Variants in FBXO45 observed in about 807,000 individuals in gnomAD.
FBXO45 encodes F-box protein 45, also known as F-box/SPRY domain-containing protein 1.
FBXO45 carries 3 observed loss-of-function variants against 25.5 expected under a neutral mutation model. That is an observed-to-expected ratio of 0.12 (90% CI 0.05 to 0.30). FBXO45 has a LOEUF of 0.30. Among genes scored for constraint, FBXO45 ranks in the 10% least tolerant of loss-of-function variants. FBXO45 has a pLI of 1.00. For missense variants in FBXO45, 219 were observed against 365.0 expected, an observed-to-expected ratio of 0.60 and a Z score of 3.26; for synonymous variants, 155 against 149.8, an observed-to-expected ratio of 1.03 and a Z score of -0.25.
rs1421644418 is a variant in FBXO45 at position 196,588,930 on chromosome 3, C to T, written c.*4612C>T. 1.3e-5 allele frequency: 2 copies of T among 152,068 alleles called. No homozygotes were observed. The highest frequency in any genetic ancestry group is 4.8e-5 in the African/African-American group (2 of 41,406). The allele number at this position is 152,068 out of a possible 1,614,324, so 9.4% of individuals were successfully genotyped here. ...TTACTGTGAATGCATTTAGCCACTC[C>T]CCTCTACTCAAAAATACTGGTAAAC... On this transcript the variant is annotated 3_prime_UTR_variant, in exon 3 of 3. Coordinates refer to ENST00000311630, the MANE Select transcript of FBXO45 (RefSeq NM_001105573.2). The surrounding 1 kb of genome is among the most constrained non-coding windows in gnomAD (Gnocchi z 4.2).
intron 2 of FBXO45, among the ~76,000 whole-genome samples, chr3:196,579,315 A>C (rs1735970946): frequency 6.6e-6 from 1 of 152,232 alleles, no homozygotes; most frequent in South Asian, 2.1e-4. Flanking sequence ...CAGAAGAACC[A>C]AAAATACATC....
At position 196,577,664 on chromosome 3, in the gene FBXO45, G is replaced by A. The variant is rs771287397; in HGVS notation, c.530G>A (p.Arg177Gln). ...TVAVIGIATK[R>Q]APMQCQGYVA... ...GCAGTGATTGGAATTGCCACAAAAC[G>A]GGCCCCCATGCAGTGCCAAGGTTAT... The change falls in exon 2 of 3, where the codon CGG becomes CAG. Residue 177 changes from arginine to glutamine, a missense_variant. By Grantham distance (43) the Arg-to-Gln change is conservative. Transcript: ENST00000311630. 30 of 1,613,544 alleles carry A rather than the reference G, an allele frequency of 1.9e-5. No homozygotes were observed. The highest frequency in any genetic ancestry group is 2.4e-5 in the Non-Finnish European group (28 of 1,179,742).
chr3:196,581,472 G>T (rs977118598), intron 2 of FBXO45, among the ~76,000 whole-genome samples: 2 of 151,700 alleles, frequency 1.3e-5, no homozygotes, highest in Non-Finnish European at 2.9e-5. Flanking sequence ...CTCGTGATCC[G>T]CCCGCCTCGG....
In FBXO45 at chr3:196,568,885, G is replaced by A; in HGVS notation, c.-100G>A. The A allele has an allele frequency of 2.2e-6, 2 of 904,136 alleles. No homozygotes were observed. Among genetic ancestry groups the A allele is most frequent in the Non-Finnish European group, 2.6e-6 (2 of 755,454 alleles). The allele number at this position is 904,136 out of a possible 1,614,324, so 56.0% of individuals were successfully genotyped here. A position where few individuals can be genotyped will look rare whatever the true frequency, so the allele number is the denominator to read the frequency against. On this transcript the variant is annotated 5_prime_UTR_variant, in exon 1 of 3. Coordinates refer to ENST00000311630, the MANE Select transcript of FBXO45 (RefSeq NM_001105573.2). ...GGCGGTTGGCACTGACAGGGGCGGT[G>A]AGCGAGCCGCTCCGGTCTCCGGGCG...
At chr3:196,575,178 G>A (rs1468637405) in intron 1 of FBXO45, among the ~76,000 whole-genome samples, 2 of 152,178 alleles carry the variant, frequency 1.3e-5, no homozygotes, top group South Asian at 2.1e-4. Flanking sequence ...AGAGAGGGCC[G>A]GGCGTGGTGG....
intron 1 of FBXO45, among the ~76,000 whole-genome samples, chr3:196,571,914 G>A (rs1371374898): frequency 6.6e-6 from 1 of 152,196 alleles, no homozygotes; most frequent in East Asian, 1.9e-4. Context: ...AGTCTAGTAG[G>A]AAATCTTTCA....
At chr3:196,580,200 C>CTT (rs35628375) in intron 2 of FBXO45, among the ~76,000 whole-genome samples, 79 of 138,864 alleles carry the variant, frequency 5.7e-4, no homozygotes, top group East Asian at 1.1e-3. Context: ...GAAGGGGTTT[C>CTT]TTTTTTTTTT....
chr3:196,580,867 C>T (rs1041865412), intron 2 of FBXO45, among the ~76,000 whole-genome samples: 1 of 151,860 alleles, frequency 6.6e-6, no homozygotes, highest in African/African-American at 2.4e-5. Flanking sequence ...CTCACTGAAA[C>T]CTCTGCCTCC....
Position 196,569,017 on chromosome 3 carries a change from C to G in FBXO45, c.33C>G (p.Ala11=). The change falls in exon 1 of 3, where the codon GCC becomes GCG. Residue 11 remains alanine (A), a synonymous_variant. Coordinates refer to ENST00000311630, the MANE Select transcript of FBXO45 (RefSeq NM_001105573.2). This position sits in a 1 kb window ranked among gnomAD's most constrained non-coding sequence, Gnocchi z 4.1. MAAPAPGAGA[A]SGGAGCSGGG... Reference sequence around the variant, plus strand: ...CGCCGGCCCCGGGGGCTGGGGCAGCCTCGGGCGGCGCTGGCTGTAGCGGCG... The same window carrying G: ...CGCCGGCCCCGGGGGCTGGGGCAGCGTCGGGCGGCGCTGGCTGTAGCGGCG... 1 of 1,013,252 alleles carries G rather than the reference C, an allele frequency of 9.9e-7. No homozygotes were observed. The highest frequency in any genetic ancestry group is 1.2e-6 in the Non-Finnish European group (1 of 850,438). 62.8% of individuals were successfully genotyped at this position (1,013,252 alleles called of 1,614,324 possible).
At position 196,582,186 on chromosome 3, in the gene FBXO45, A is replaced by T. The variant is rs577461945; in HGVS notation, c.676-1947A>T. Among the ~76,000 whole-genome samples the T allele has an allele frequency of 2.6e-5, 4 of 152,314 alleles. 1 individual carries two copies. The highest frequency in any genetic ancestry group is 9.6e-5 in the African/African-American group (4 of 41,570). Reference sequence around the variant, plus strand: ...GTGCGTGCTGTGTGCTCAAAGGTGAAGCAGATTTGCAGATTTCACCAGGAG... The same window carrying T: ...GTGCGTGCTGTGTGCTCAAAGGTGATGCAGATTTGCAGATTTCACCAGGAG... On this transcript the variant is annotated intron_variant, in intron 2 of 2. Transcript: ENST00000311630.
At chr3:196,578,182 G>A (rs552334867) in intron 2 of FBXO45, among the ~76,000 whole-genome samples, 191 of 151,178 alleles carry the variant, frequency 1.3e-3, no homozygotes, top group Admixed American at 3.1e-3. Flanking sequence ...GATTACAGGC[G>A]CCCACCACCA....
chr3:196,583,144 A>G (rs991012331), intron 2 of FBXO45, among the ~76,000 whole-genome samples: 2 of 152,206 alleles, frequency 1.3e-5, no homozygotes, highest in African/African-American at 2.4e-5. Flanking sequence ...TTCACTTAGC[A>G]TAATATTTTC....
At chr3:196,583,357 T>C (rs1346984318) in intron 2 of FBXO45, among the ~76,000 whole-genome samples, 5 of 151,822 alleles carry the variant, frequency 3.3e-5, no homozygotes, top group African/African-American at 1.2e-4. Flanking sequence ...ATACAAAAAA[T>C]TAGCCGGGCG....
At chr3:196,581,631 G>A (rs1736014363) in intron 2 of FBXO45, among the ~76,000 whole-genome samples, 2 of 152,094 alleles carry the variant, frequency 1.3e-5, no homozygotes, top group African/African-American at 4.8e-5. Context: ...CATAACAGCT[G>A]CTTTGAAGTC....
rs1209385220 is a variant in FBXO45, at chr3:196,588,598, GTATT to G, written c.*4288_*4291del. ...TATATATCTATAGTTGACTCATGCT[GTATT>G]TATTTATACCTTGTTTAAAATTATT... On this transcript the variant is annotated 3_prime_UTR_variant, in exon 3 of 3. Transcript: ENST00000311630. The surrounding 1 kb of genome is among the most constrained non-coding windows in gnomAD (Gnocchi z 4.2). 3.9e-5 allele frequency: 6 copies of G among 152,114 alleles called. No individual in the cohort carries two copies. The highest frequency in any genetic ancestry group is 7.4e-5 in the Non-Finnish European group (5 of 68,024). The allele number at this position is 152,114 out of a possible 1,614,324, so 9.4% of individuals were successfully genotyped here.
In FBXO45 at chr3:196,577,542, C is replaced by T. The variant is rs1251448549; in HGVS notation, c.408C>T (p.Pro136=). Residue 136 remains proline (P), a synonymous_variant, in exon 2 of 3, where the codon CCC becomes CCT. Coordinates refer to ENST00000311630, the MANE Select transcript of FBXO45 (RefSeq NM_001105573.2). ...ATGGCTTTACTTTACATCGAAACCC[C>T]ATTGCTCAGAGCACTGATGGTGCAA... ...KKNGFTLHRN[P]IAQSTDGART... The T allele has an allele frequency of 6.2e-7, 1 of 1,613,998 alleles. No homozygotes were observed. Among genetic ancestry groups the T allele is most frequent in the Non-Finnish European group, 8.5e-7 (1 of 1,179,888 alleles).
At position 196,586,480 on chromosome 3, in the gene FBXO45, A is replaced by G. The variant is rs1736113141; in HGVS notation, c.*2162A>G. The G allele has an allele frequency of 6.6e-6, 1 of 152,230 alleles. No homozygotes were observed. Among genetic ancestry groups the G allele is most frequent in the Admixed American group, 6.5e-5 (1 of 15,280 alleles). 9.4% of individuals were successfully genotyped at this position (152,230 alleles called of 1,614,324 possible). On this transcript the variant is annotated 3_prime_UTR_variant, in exon 3 of 3. Transcript: ENST00000311630. ...CCCGAATGTCCCATTCGCAAATCAT[A>G]TGCAATTGAAGTGAGCAGCATGAGC...
chr3:196,579,852 C>G (rs766886971), intron 2 of FBXO45, among the ~76,000 whole-genome samples: 10 of 152,146 alleles, frequency 6.6e-5, no homozygotes, highest in Admixed American at 1.3e-4. Context: ...TGTTTTATCT[C>G]CCTGCCTGAT....
intron 1 of FBXO45, among the ~76,000 whole-genome samples, chr3:196,576,576 GT>G: frequency 6.6e-6 from 1 of 152,220 alleles, no homozygotes; most frequent in Non-Finnish European, 1.5e-5. Flanking sequence ...CAAACTAAAA[GT>G]TTAAAATTGT....
Sources: gnomAD v4.1 joint callset for allele counts (sites outside exome capture counted in the v4.1 genomes callset) on GRCh38, gnomAD v4.1.1 for gene constraint, Gnocchi (gnomAD v3.1) non-coding constraint, MANE v1.5 for transcripts, NCBI Gene and HGNC (gene_info 2026-07-23, HGNC 2026-07-21) for gene names.